The following TTC27 variants were observed in gnomAD, a reference collection of about 807,000 sequenced individuals.
TTC27 encodes tetratricopeptide repeat protein 27.
In TTC27, 79 loss-of-function variants were observed where a neutral mutation model predicts 115.9. The ratio of observed to expected loss-of-function variants is 0.68; its 90% CI spans 0.57 to 0.82. The LOEUF (loss-of-function observed/expected upper bound fraction) is 0.82, where lower values mean the gene tolerates loss of function less well. TTC27 is among the 40% of genes least tolerant of loss of function. TTC27 has a pLI of 0.00. For missense variants in TTC27, 1,054 were observed against 993.1 expected, an observed-to-expected ratio of 1.06 and a Z score of -0.82; for synonymous variants, 401 against 356.0, an observed-to-expected ratio of 1.13 and a Z score of -1.42.
intron 16 of TTC27, among the ~76,000 whole-genome samples, chr2:32,806,980 A>G (rs905023482): frequency 6.6e-6 from 1 of 152,196 alleles, no homozygotes. Flanking sequence ...AAGTAAACAT[A>G]AGAATTTTTT....
chr2:32,806,796 T>A (rs1671146713), intron 16 of TTC27, among the ~76,000 whole-genome samples: 1 of 152,038 alleles, frequency 6.6e-6, no homozygotes, highest in African/African-American at 2.4e-5. Flanking sequence ...AAAAAAAAGT[T>A]GATATCACTC....
Position 32,815,028 on chromosome 2 carries a change from G to A in TTC27, c.2308+2413G>A, listed in dbSNP as rs138567801. On this transcript the variant is annotated intron_variant, in intron 18 of 19. Transcript: ENST00000317907. ...ATTGCGACCTTGACATAGTATTTGA[G>A]GCCTCCCTATAACAATGTCATCATT... Among the ~76,000 whole-genome samples, 49 of 152,084 alleles carry A rather than the reference G, an allele frequency of 3.2e-4. 4 individuals are homozygous for A. In the East Asian group the frequency reaches 4.3e-3, roughly 13 times the overall value.
chr2:32,705,974 CATTTA>C (rs970171713), intron 10 of TTC27, among the ~76,000 whole-genome samples: 1 of 150,542 alleles, frequency 6.6e-6, no homozygotes, highest in African/African-American at 2.4e-5. Flanking sequence ...TTTCTCTTCT[CATTTA>C]TTTTTCCATG....
At chr2:32,808,260 G>A (rs1035206900) in intron 16 of TTC27, among the ~76,000 whole-genome samples, 2 of 152,044 alleles carry the variant, frequency 1.3e-5, no homozygotes, top group Admixed American at 1.3e-4. Flanking sequence ...TAAATGTTGT[G>A]TTCTTTAAGA....
intron 10 of TTC27, chr2:32,704,808 T>C (rs1425402017): frequency 4.3e-6 from 2 of 465,638 alleles, no homozygotes; most frequent in East Asian, 7.0e-5. Flanking sequence ...ATTCAGGTCA[T>C]AGAATTTTGG....
chr2:32,644,133 A>T (rs1450901457), intron 4 of TTC27, among the ~76,000 whole-genome samples: 1 of 146,224 alleles, frequency 6.8e-6, no homozygotes, highest in Admixed American at 7.0e-5. Flanking sequence ...GTGAATCGAG[A>T]TCGTTCCACT....
At position 32,708,301 on chromosome 2, in the gene TTC27, C is replaced by CTTGTTTTTTTT. The variant is rs1559215857; in HGVS notation, c.1233+5384_1233+5394dup. ...CTTAATAGCGTTTTCTTTTCTCTACCTTGTTTTTTTTTTTTTTTTTTTTTT... is the reference window on the plus strand; with the variant it reads ...CTTAATAGCGTTTTCTTTTCTCTACCTTGTTTTTTTTTTGTTTTTTTTTTTTTTTTTTTTTT... On this transcript the variant is annotated intron_variant, in intron 10 of 19. Coordinates refer to ENST00000317907, the MANE Select transcript of TTC27 (RefSeq NM_017735.5). Among the ~76,000 whole-genome samples, 42 of 80,294 alleles carry CTTGTTTTTTTT rather than the reference C, an allele frequency of 5.2e-4. 1 individual carries two copies. Among genetic ancestry groups the CTTGTTTTTTTT allele is most frequent in the Non-Finnish European group, 8.0e-4 (32 of 39,902 alleles). 52.7% of individuals were successfully genotyped at this position (80,294 alleles called of 152,430 possible).
intron 7 of TTC27, among the ~76,000 whole-genome samples, chr2:32,667,356 T>C (rs897283367): frequency 6.6e-6 from 1 of 151,854 alleles, no homozygotes; most frequent in Non-Finnish European, 1.5e-5. Context: ...TCCAGCTGCT[T>C]CCATGAAGCC....
In TTC27 at chr2:32,766,849, G is replaced by A. The variant is rs534277212; in HGVS notation, c.1680+8330G>A. ...CACTCAGGCTGGAGTGCAGTGGTGC[G>A]ATCTCTGCTCACTGGAACCTTCATC... On this transcript the variant is annotated intron_variant, in intron 13 of 19. Coordinates refer to ENST00000317907, the MANE Select transcript of TTC27 (RefSeq NM_017735.5). 2.2e-3 allele frequency among the ~76,000 whole-genome samples: 333 copies of A among 152,100 alleles called. 1 individual carries two copies. The highest frequency in any genetic ancestry group is 3.7e-3 in the Non-Finnish European group (253 of 67,996).
intron 3 of TTC27, among the ~76,000 whole-genome samples, chr2:32,638,481 C>T (rs749664847): frequency 1.3e-5 from 2 of 152,086 alleles, no homozygotes; most frequent in Non-Finnish European, 2.9e-5. Flanking sequence ...CAGGTTCAAG[C>T]GATTCTCCTG....
intron 10 of TTC27, among the ~76,000 whole-genome samples, chr2:32,730,091 A>G (rs147706387): frequency 6.6e-4 from 100 of 152,328 alleles, no homozygotes; most frequent in Non-Finnish European, 1.2e-3. Context: ...CTTCACGTGC[A>G]TTCAGTCCCA....
chr2:32,645,477 T>G (rs1377291103), intron 4 of TTC27, among the ~76,000 whole-genome samples: 1 of 152,192 alleles, frequency 6.6e-6, no homozygotes, highest in Non-Finnish European at 1.5e-5. Context: ...ATCTAGAAAT[T>G]ATCTAAAGCA....
intron 8 of TTC27, among the ~76,000 whole-genome samples, chr2:32,677,648 A>G (rs1478381674): frequency 6.6e-6 from 1 of 151,788 alleles, no homozygotes; most frequent in African/African-American, 2.4e-5. Context: ...ATGTGGTTTT[A>G]CCATGTTGGC....
At chr2:32,700,096 C>T (rs912141181) in intron 9 of TTC27, among the ~76,000 whole-genome samples, 7 of 152,144 alleles carry the variant, frequency 4.6e-5, no homozygotes, top group Admixed American at 3.3e-4. Flanking sequence ...ATGCCCACTC[C>T]GGAGAGGGAT....
chr2:32,636,746 C>A (rs1199651236), intron 3 of TTC27, among the ~76,000 whole-genome samples: 1 of 152,078 alleles, frequency 6.6e-6, no homozygotes, highest in Non-Finnish European at 1.5e-5. Context: ...GAAGTTCAGA[C>A]CATAAGAAAT....
intron 5 of TTC27, among the ~76,000 whole-genome samples, chr2:32,660,972 C>A (rs1446889449): frequency 5.3e-5 from 8 of 152,174 alleles, no homozygotes; most frequent in Non-Finnish European, 1.0e-4. Flanking sequence ...GGTCCAGTTT[C>A]AGTTTTCTGC....
At chr2:32,718,906 G>T (rs574116604) in intron 10 of TTC27, among the ~76,000 whole-genome samples, 1 of 152,326 alleles carries the variant, frequency 6.6e-6, no homozygotes. Flanking sequence ...ACCTCCTGTT[G>T]CTTCATTCTT....
At chr2:32,704,428 T>A (rs2151902034) in intron 10 of TTC27, among the ~76,000 whole-genome samples, 1 of 152,264 alleles carries the variant, frequency 6.6e-6, no homozygotes, top group African/African-American at 2.4e-5. Flanking sequence ...CCTCCAGTGA[T>A]CTGCCCGCCT....
chr2:32,650,288 G>T (rs1436576812), intron 5 of TTC27, 55 bp downstream of exon 5: 3 of 1,304,042 alleles, frequency 2.3e-6, no homozygotes, highest in African/African-American at 2.9e-5. Context: ...TAATTACTTG[G>T]CTGAGATACT....
Sources: gnomAD v4.1 joint callset for allele counts (sites outside exome capture counted in the v4.1 genomes callset) on GRCh38, gnomAD v4.1.1 for gene constraint, MANE v1.5 for transcripts, NCBI Gene and HGNC (gene_info 2026-07-23, HGNC 2026-07-21) for gene names.